The following TULP1 variants were observed in gnomAD, a reference collection of about 807,000 sequenced individuals.
The protein encoded by TULP1 is TUB like protein 1, also known as tubby-related protein 1.
TULP1 carries 50 observed loss-of-function variants against 67.1 expected under a neutral mutation model. That is an observed-to-expected ratio of 0.75 (90% CI 0.59 to 0.94). The LOEUF (loss-of-function observed/expected upper bound fraction) is 0.94. Ranked by LOEUF, TULP1 falls within the 40% of genes least tolerant of loss-of-function variation. The pLI is 0.00. For missense variants in TULP1, 746 were observed against 734.1 expected (o/e 1.02, Z -0.19); for synonymous variants, 297 against 294.0 (o/e 1.01, Z -0.11).
intron 4 of TULP1, 115 bp downstream of exon 4, chr6:35,511,533 G>A: frequency 6.8e-7 from 1 of 1,478,684 alleles, no homozygotes; most frequent in Non-Finnish European, 9.2e-7. Context: ...CCAGAAAAGT[G>A]GGGGCTATTT....
At chr6:35,505,717 C>A in intron 11 of TULP1, 24 bp downstream of exon 11, 1 of 1,613,552 alleles carries the variant, frequency 6.2e-7, no homozygotes. Flanking sequence ...CAAGTCCCCC[C>A]AGCCCCAGGA....
At chr6:35,512,580 C>T in intron 2 of TULP1, 59 bp downstream of exon 2, 2 of 1,610,544 alleles carry the variant, frequency 1.2e-6, no homozygotes, top group South Asian at 2.2e-5. Context: ...CCCTACCCTG[C>T]GTGGGTTTAC....
At position 35,509,691 on chromosome 6, in the gene TULP1, C is replaced by T; in HGVS notation, c.661G>A (p.Ala221Thr). 1 of 1,614,126 alleles carries T rather than the reference C, an allele frequency of 6.2e-7. No individual in the cohort carries two copies. ...CCTTCCCCAACCAGAAACATGGCTG[C>T]TGGGCTCTTCCTCGCACTGGCTGGG... is the stretch of plus-strand genomic sequence containing the variant. ...GSPASARKSP[A>T]AMFLVGEGSP... is the part of the protein sequence containing the mutation. Residue 221 changes from alanine (A) to threonine (T), a missense_variant, in exon 7 of 15, where the codon GCA (alanine) becomes ACA (threonine). Ala to Thr is a moderately conservative substitution (Grantham distance 58, BLOSUM62 0). Transcript: ENST00000229771.
In TULP1 at chr6:35,498,478, G is replaced by T; in HGVS notation, c.1496-18C>A. ...ATAGTCGGCTATGGACACAAGACGG[G>T]GTGGGGGCGGCCCGAGACCTCCTTG... On this transcript the variant is annotated intron_variant, in intron 14 of 14. Coordinates refer to ENST00000229771, the MANE Select transcript of TULP1 (RefSeq NM_003322.6). This position sits in a 1 kb window ranked among gnomAD's most constrained non-coding sequence, Gnocchi z 6.7. 6.2e-7 allele frequency: 1 copy of T among 1,613,414 alleles called. No individual in the cohort carries two copies. The highest frequency in any genetic ancestry group is 8.5e-7 in the Non-Finnish European group (1 of 1,179,970).
In TULP1 at chr6:35,498,684, C is replaced by T. The variant is rs1199894725; in HGVS notation, c.1496-224G>A. Among the ~76,000 whole-genome samples, 2 of 152,220 alleles carry T rather than the reference C, an allele frequency of 1.3e-5. No homozygotes were observed. The highest frequency in any genetic ancestry group is 2.9e-5 in the Non-Finnish European group (2 of 68,032). ...AATCTCCTGGGGGCAGGGACCTTGC[C>T]TTTCTGCTGCTGCCACAGGCCATGC... On this transcript the variant is annotated intron_variant, in intron 14 of 14. Transcript: ENST00000229771. The surrounding 1 kb of genome is among the most constrained non-coding windows in gnomAD (Gnocchi z 6.7).
At chr6:35,510,672 T>C (rs1234131926) in intron 5 of TULP1, 189 bp downstream of exon 5, 8 of 1,292,492 alleles carry the variant, frequency 6.2e-6, no homozygotes, top group Non-Finnish European at 7.3e-6. Flanking sequence ...GGGCCAGGGG[T>C]GGAGGCATAT....
At chr6:35,512,331 T>C in intron 2 of TULP1, 61 bp from the exon 3 acceptor site, 3 of 861,088 alleles carry the variant, frequency 3.5e-6, no homozygotes, top group South Asian at 2.1e-5. Context: ...GGCCCGCCCA[T>C]CCCCCTCTAA....
intron 6 of TULP1, 31 bp from the exon 7 acceptor site, chr6:35,509,781 C>T (rs554734584): frequency 2.5e-6 from 4 of 1,614,070 alleles, no homozygotes; most frequent in African/African-American, 1.3e-5. Flanking sequence ...GCGTCACAAC[C>T]CCCACCGCAA....
In TULP1 at chr6:35,511,801, G is replaced by A; in HGVS notation, c.196C>T (p.Arg66Trp). 2 of 1,549,600 alleles carry A rather than the reference G, an allele frequency of 1.3e-6. No homozygotes were observed. The highest frequency in any genetic ancestry group is 1.7e-6 in the Non-Finnish European group (2 of 1,146,898). ...GSKPRKPGAG[R>W]TGRPREEPSP... ...GGCTCCTCCCGCGGCCTCCCCGTCC[G>A]CCCAGCTGAGCCGAGATGCGGGGTT... The change falls in exon 4 of 15, where the codon CGG (arginine) becomes TGG (tryptophan). Residue 66 changes from arginine (R) to tryptophan (W), a missense_variant. Transcript: ENST00000229771.
chr6:35,512,117 T>G, intron 3 of TULP1, 63 bp downstream of exon 3: 1 of 849,956 alleles, frequency 1.2e-6, no homozygotes, highest in Non-Finnish European at 1.5e-6. Context: ...GCGCCGGCCC[T>G]CAAGCCCCTC....
chr6:35,511,862 G>A, intron 3 of TULP1, 56 bp from the exon 4 acceptor site: 1 of 1,472,612 alleles, frequency 6.8e-7, no homozygotes, highest in Non-Finnish European at 9.0e-7. Flanking sequence ...GCGAGGCAGC[G>A]CCTCTACCCG....
intron 14 of TULP1, 21 bp downstream of exon 14, chr6:35,499,960 C>A (rs763526852): frequency 1.2e-6 from 2 of 1,613,528 alleles, no homozygotes; most frequent in African/African-American, 2.7e-5. Context: ...AAGAGCCAGA[C>A]CTGGGCCCTC....
At chr6:35,506,888 G>C (rs557996911) in intron 8 of TULP1, among the ~76,000 whole-genome samples, 1 of 152,292 alleles carries the variant, frequency 6.6e-6, no homozygotes, top group South Asian at 2.1e-4. Flanking sequence ...AGAATGGACT[G>C]CTGTGTTCTA....
chr6:35,506,016 T>C lies in TULP1; in HGVS notation c.986A>G (p.Asp329Gly), dbSNP rs899882673. ...GMYPSYFLHLDTEKKVFLLAG... is the reference protein window; with the variant it reads ...GMYPSYFLHLGTEKKVFLLAG... ...CTCCCCACCCACCTTCTTCTCCGTG[T>C]CCAGGTGCAGGAAGTAGGAGGGATA... Residue 329 changes from aspartate to glycine, a missense_variant, in exon 10 of 15, where the codon GAC becomes GGC. Around this residue, in one of 3 missense-constraint regions of TULP1, gnomAD observed 383 missense variants for 374.1 expected, o/e 1.02. Transcript: ENST00000229771. The C allele has an allele frequency of 1.2e-6, 2 of 1,613,940 alleles. No homozygotes were observed. The highest frequency in any genetic ancestry group is 1.7e-6 in the Non-Finnish European group (2 of 1,180,028).
rs757725696 is a variant in TULP1 at position 35,512,183 on chromosome 6, C to A, written c.187G>T (p.Gly63Ter). 3.7e-6 allele frequency: 5 copies of A among 1,350,182 alleles called. No individual in the cohort carries two copies. In the East Asian group the frequency reaches 1.4e-4, roughly 37 times the overall value. The allele number at this position is 1,350,182 out of a possible 1,614,324, so 83.6% of individuals were successfully genotyped here. ...CPTGSKPRKPGAGRTGRPREE... is the reference protein window; with the variant it reads ...CPTGSKPRKP ...CCGGGCTCTGCACCCCGCCCACCTC[C>A]GGGCTTCCGGGGCTTGGATCCCGTG... Residue 63 changes from glycine to a stop codon, truncating the protein, a stop_gained, in exon 3 of 15, where the codon GGA becomes TGA. Coordinates refer to ENST00000229771, the MANE Select transcript of TULP1 (RefSeq NM_003322.6). LOFTEE classifies it high-confidence loss of function.
rs199651570 is a variant in TULP1, at chr6:35,510,989, T to G, written c.371A>C (p.Asp124Ala). Reference protein sequence around the residue: ...AEDEEEEEEEDEEDEEEEAEE... With the variant: ...AEDEEEEEEEAEEDEEEEAEE... ...TGCCTCCTCTTCCTCGTCCTCCTCG[T>G]CCTCCTCTTCCTCCTCCTCCTCTGC... The change falls in exon 5 of 15, where the codon GAC (aspartate) becomes GCC (alanine). Residue 124 changes from aspartate (D) to alanine (A), a missense_variant. Asp to Ala is a moderately radical substitution (Grantham distance 126). Transcript: ENST00000229771. 1.3e-6 allele frequency: 2 copies of G among 1,599,790 alleles called. No individual in the cohort carries two copies. The highest frequency in any genetic ancestry group is 2.7e-5 in the African/African-American group (2 of 74,876).
rs1163569465 is a variant in TULP1, at chr6:35,512,206, G to T, written c.164C>A (p.Thr55Lys). 1.5e-6 allele frequency: 2 copies of T among 1,356,242 alleles called. No individual in the cohort carries two copies. Among genetic ancestry groups the T allele is most frequent in the East Asian group, 2.7e-5 (1 of 36,602 alleles). The allele number at this position is 1,356,242 out of a possible 1,614,324, so 84.0% of individuals were successfully genotyped here. Residue 55 changes from threonine (T) to lysine (K), a missense_variant, in exon 3 of 15, where the codon ACG becomes AAG. Thr to Lys is a moderately conservative substitution (Grantham distance 78). Transcript: ENST00000229771. ...TCCGGGCTTCCGGGGCTTGGATCCC[G>T]TGGGGCAGGGGGATTCGGGGGCCTC... ...RTEAPESPCP[T>K]GSKPRKPGAG...
intron 5 of TULP1, 166 bp downstream of exon 5, chr6:35,510,695 C>T (rs1271290490): frequency 7.9e-6 from 12 of 1,511,050 alleles, no homozygotes; most frequent in Non-Finnish European, 9.8e-6. Context: ...TGGTCTATGT[C>T]CTTAAGGACC....
rs762348395 is a variant in TULP1 at position 35,500,077 on chromosome 6, C to G, written c.1399G>C (p.Val467Leu). The stretch of plus-strand genomic sequence containing the variant: ...TAGGAGCCACTGTCATCGTTCCAGA[C>G]AGGTGGCTTGTTGTGCAGTTCTATG... ...SLIELHNKPP[V>L]WNDDSGSYTL... is the part of the protein sequence containing the mutation. Residue 467 changes from valine (V) to leucine (L), a missense_variant, in exon 14 of 15, where the codon GTC becomes CTC. By Grantham distance (32) the Val-to-Leu change is conservative. This residue lies in a region of TULP1 where 383 missense variants were observed against 374.1 expected (regional missense o/e 1.02). Transcript: ENST00000229771. 6.2e-7 allele frequency: 1 copy of G among 1,614,172 alleles called. No individual in the cohort carries two copies. Among genetic ancestry groups the G allele is most frequent in the Admixed American group, 1.7e-5 (1 of 60,028 alleles).
Sources: gnomAD v4.1 joint callset for allele counts (sites outside exome capture counted in the v4.1 genomes callset) on GRCh38, gnomAD v4.1.1 for gene constraint, gnomAD v4.1.1 regional missense constraint, Gnocchi (gnomAD v3.1) non-coding constraint, MANE v1.5 for transcripts, NCBI Gene and HGNC (gene_info 2026-07-23, HGNC 2026-07-21) for gene names.